ECE1: variants seen among roughly 807,000 people sequenced by gnomAD.
The protein encoded by ECE1 is endothelin converting enzyme 1, also known as endothelin-converting enzyme 1.
A neutral mutation model predicts 98.6 loss-of-function variants in ECE1; 35 were observed. The ratio of observed to expected loss-of-function variants is 0.35; its 90% CI spans 0.27 to 0.47. The LOEUF (loss-of-function observed/expected upper bound fraction) is 0.47, where lower values mean the gene tolerates loss of function less well. ECE1 is among the 20% of genes least tolerant of loss of function. The pLI is 1.00. For synonymous variants in ECE1, 394 were observed against 407.1 expected (o/e 0.97, Z 0.39); for missense variants, 814 against 1,025.3 (o/e 0.79, Z 2.81).
chr1:21,288,913 G>A (rs1382557229), intron 2 of ECE1, among the ~76,000 whole-genome samples: 1 of 152,204 alleles, frequency 6.6e-6, no homozygotes, highest in Non-Finnish European at 1.5e-5. Context: ...TGTTCCTGAA[G>A]GTTAAGCAGG....
intron 4 of ECE1, among the ~76,000 whole-genome samples, chr1:21,265,843 T>C (rs1236567310): frequency 6.6e-6 from 1 of 152,176 alleles, no homozygotes; most frequent in African/African-American, 2.4e-5. Flanking sequence ...GTGTGGCTCC[T>C]GGCACTATGC....
chr1:21,256,128 C>A lies in ECE1; in HGVS notation c.839G>T (p.Gly280Val). ...CAGCTGGACCATGTAGTTCAGATATCCGGTCAGCACCTGCAGGGCCCATAC... is the reference window on the plus strand; with the variant it reads ...CAGCTGGACCATGTAGTTCAGATATACGGTCAGCACCTGCAGGGCCCATAC... ...NKTENEKVLT[G>V]YLNYMVQLGK... The change falls in exon 8 of 19, where the codon GGA becomes GTA. Residue 280 changes from glycine to valine, a missense_variant. Physicochemically the swap from Gly to Val is moderately radical, Grantham distance 109. Around this residue, in one of 3 missense-constraint regions of ECE1, gnomAD observed 105 missense variants for 179.1 expected, o/e 0.59. Coordinates refer to ENST00000374893, the MANE Select transcript of ECE1 (RefSeq NM_001397.3). 1 of 1,601,542 alleles carries A rather than the reference C, an allele frequency of 6.2e-7. No individual in the cohort carries two copies. The highest frequency in any genetic ancestry group is 8.5e-7 in the Non-Finnish European group (1 of 1,169,794).
intron 1 of ECE1, among the ~76,000 whole-genome samples, chr1:21,296,429 C>T (rs985576099): frequency 1.4e-4 from 22 of 152,120 alleles, no homozygotes; most frequent in Admixed American, 1.3e-3. Flanking sequence ...GGAAGGATTG[C>T]TTGAGCCTAG....
intron 4 of ECE1, among the ~76,000 whole-genome samples, chr1:21,264,514 T>C (rs1573987491): frequency 6.6e-6 from 1 of 152,034 alleles, no homozygotes; most frequent in East Asian, 1.9e-4. Flanking sequence ...AGGGTTTCAC[T>C]GTGTTGGCCA....
chr1:21,269,168 T>C (rs1027603606), intron 4 of ECE1, among the ~76,000 whole-genome samples: 20 of 152,086 alleles, frequency 1.3e-4, no homozygotes, highest in African/African-American at 4.8e-4. Context: ...GACAGTAGAG[T>C]GAGTAGAGAA....
chr1:21,220,495 T>C lies in ECE1; in HGVS notation c.2137-364A>G, dbSNP rs2098165936. Among the ~76,000 whole-genome samples, 1 of 151,424 alleles carries C rather than the reference T, an allele frequency of 6.6e-6. No homozygotes were observed. The highest frequency in any genetic ancestry group is 1.5e-5 in the Non-Finnish European group (1 of 67,884). Reference sequence around the variant, plus strand: ...GCCTCGGTGATAGAGTGAGATCCTGTCTCAAAAAGCAAAACAAGGTTGGGT... The same window carrying C: ...GCCTCGGTGATAGAGTGAGATCCTGCCTCAAAAAGCAAAACAAGGTTGGGT... On this transcript the variant is annotated intron_variant, in intron 18 of 18. Coordinates refer to ENST00000374893, the MANE Select transcript of ECE1 (RefSeq NM_001397.3). The surrounding 1 kb of genome is among the most constrained non-coding windows in gnomAD (Gnocchi z 5.0).
Position 21,235,747 on chromosome 1 carries a change from A to T in ECE1, c.1566+103T>A. ...CACCACATCATCCCTGTGTGTTTTG[A>T]CAACCATGCTGCCTCTAGCACCCCA... On this transcript the variant is annotated intron_variant, in intron 13 of 18. Coordinates refer to ENST00000374893, the MANE Select transcript of ECE1 (RefSeq NM_001397.3). The surrounding 1 kb of genome is among the most constrained non-coding windows in gnomAD (Gnocchi z 4.2). 8.4e-7 allele frequency: 1 copy of T among 1,195,052 alleles called. No homozygotes were observed. The highest frequency in any genetic ancestry group is 1.3e-6 in the Non-Finnish European group (1 of 799,814). The allele number at this position is 1,195,052 out of a possible 1,614,324, so 74.0% of individuals were successfully genotyped here. A position where few individuals can be genotyped will look rare whatever the true frequency, so the allele number is the denominator to read the frequency against.
At chr1:21,244,282 C>T (rs1333854357) in intron 10 of ECE1, among the ~76,000 whole-genome samples, 1 of 152,242 alleles carries the variant, frequency 6.6e-6, no homozygotes, top group Non-Finnish European at 1.5e-5. Flanking sequence ...TTCCTATCAC[C>T]TCCCTCAGCC....
At chr1:21,232,866 C>T (rs1297573050) in intron 14 of ECE1, among the ~76,000 whole-genome samples, 1 of 151,984 alleles carries the variant, frequency 6.6e-6, no homozygotes, top group East Asian at 1.9e-4. Context: ...TTAGTAGAGA[C>T]AGGGTTTTGC....
intron 9 of ECE1, 79 bp downstream of exon 9, chr1:21,247,142 C>T: frequency 6.2e-7 from 1 of 1,604,828 alleles, no homozygotes. Context: ...GTCAGACTGT[C>T]ATCCCCACCC....
chr1:21,322,850 G>A lies in ECE1; in HGVS notation c.3+22526C>T, dbSNP rs1041706247. 2.0e-5 allele frequency among the ~76,000 whole-genome samples: 3 copies of A among 152,142 alleles called. No individual in the cohort carries two copies. The highest frequency in any genetic ancestry group is 6.5e-5 in the Admixed American group (1 of 15,282). ...CCCGGAAGAGGACGCACATGGATCC[G>A]CCCTCTGCTGGAATTTGTGCATGTT... is the stretch of plus-strand genomic sequence containing the variant. On this transcript the variant is annotated intron_variant, in intron 1 of 18. Coordinates refer to the ECE1 transcript ENST00000415912. This position sits in a 1 kb window ranked among gnomAD's most constrained non-coding sequence, Gnocchi z 4.1.
At chr1:21,238,325 G>A (rs2098191025) in intron 10 of ECE1, 81 bp from the exon 11 acceptor site, 2 of 1,098,720 alleles carry the variant, frequency 1.8e-6, no homozygotes, top group Non-Finnish European at 1.4e-6. Flanking sequence ...GTAGCACCAT[G>A]TGGGGCCCAT....
intron 10 of ECE1, 39 bp from the exon 11 acceptor site, chr1:21,238,283 C>T (rs1369294543): frequency 2.0e-6 from 3 of 1,521,684 alleles, no homozygotes; most frequent in Admixed American, 3.5e-5. Context: ...GGGCCCCAGC[C>T]CTTTGTTTCC....
intron 5 of ECE1, among the ~76,000 whole-genome samples, chr1:21,259,756 T>C (rs2098224387): frequency 6.6e-6 from 1 of 152,096 alleles, no homozygotes; most frequent in Non-Finnish European, 1.5e-5. Flanking sequence ...GTCTGGGAAG[T>C]GCCCAAGAAA....
At chr1:21,253,552 G>T (rs757788744) in intron 8 of ECE1, among the ~76,000 whole-genome samples, 33 of 150,806 alleles carry the variant, frequency 2.2e-4, no homozygotes, top group Non-Finnish European at 2.5e-4. Flanking sequence ...CACGAAGACA[G>T]GAGATCGAGA....
intron 1 of ECE1, among the ~76,000 whole-genome samples, chr1:21,300,713 G>A (rs933511869): frequency 6.6e-6 from 1 of 152,192 alleles, no homozygotes; most frequent in African/African-American, 2.4e-5. Flanking sequence ...TTGGATTACA[G>A]GTGTGAGCCA....
chr1:21,287,468 G>A (rs2098261836), intron 2 of ECE1, among the ~76,000 whole-genome samples: 1 of 152,232 alleles, frequency 6.6e-6, no homozygotes, highest in Admixed American at 6.5e-5. Context: ...GGAGGTTGCA[G>A]TGAGCTGAGA....
chr1:21,276,955 T>C (rs985022809), intron 3 of ECE1, among the ~76,000 whole-genome samples: 1 of 152,196 alleles, frequency 6.6e-6, no homozygotes, highest in Non-Finnish European at 1.5e-5. Context: ...TGACCTCAGG[T>C]GATCTGTCCA....
rs980334672 is a variant in ECE1, at chr1:21,279,814, A to G, written c.139-482T>C. The G allele has an allele frequency of 5.5e-6, 4 of 729,164 alleles. No homozygotes were observed. In the South Asian group the frequency reaches 2.2e-4, roughly 39 times the overall value. 45.2% of individuals were successfully genotyped at this position (729,164 alleles called of 1,614,324 possible). On this transcript the variant is annotated intron_variant, in intron 2 of 18. Transcript: ENST00000374893. ...TCATTAAACCCTCATAATCCCACGC[A>G]AAAACACGCGAGCCACCTTGTTATT...
Sources: gnomAD v4.1 joint callset for allele counts (sites outside exome capture counted in the v4.1 genomes callset) on GRCh38, gnomAD v4.1.1 for gene constraint, gnomAD v4.1.1 regional missense constraint, Gnocchi (gnomAD v3.1) non-coding constraint, MANE v1.5 for transcripts, NCBI Gene and HGNC (gene_info 2026-07-23, HGNC 2026-07-21) for gene names.